The following PPM1H variants were observed in gnomAD, a reference collection of about 807,000 sequenced individuals.
PPM1H encodes the protein protein phosphatase 1H.
A neutral mutation model predicts 54.9 loss-of-function variants in PPM1H; 27 were observed. The ratio of observed to expected loss-of-function variants is 0.49; its 90% CI spans 0.36 to 0.68. PPM1H has a LOEUF of 0.68. PPM1H is among the 30% of genes least tolerant of loss of function. PPM1H has a pLI of 0.00. For synonymous variants in PPM1H, 305 were observed against 270.8 expected (o/e 1.13, Z -1.24); for missense variants, 596 against 667.8 (o/e 0.89, Z 1.19).
Position 62,647,587 on chromosome 12 carries a change from T to A in PPM1H, c.*902A>T, listed in dbSNP as rs549965067. On this transcript the variant is annotated 3_prime_UTR_variant, in exon 10 of 10. Coordinates refer to ENST00000228705, the MANE Select transcript of PPM1H (RefSeq NM_020700.2). ...ATTCCAGAAATGAAAATCCAGACTC[T>A]CACAGAGAACCCTTGAGCCACACAG... 7 of 152,300 alleles carry A rather than the reference T, an allele frequency of 4.6e-5. No homozygotes were observed. Among genetic ancestry groups the A allele is most frequent in the African/African-American group, 1.7e-4 (7 of 41,524 alleles). 9.4% of individuals were successfully genotyped at this position (152,300 alleles called of 1,614,324 possible). A position where few individuals can be genotyped will look rare whatever the true frequency, so the allele number is the denominator to read the frequency against.
chr12:62,725,195 C>A (rs943214729), intron 5 of PPM1H, among the ~76,000 whole-genome samples: 1 of 152,210 alleles, frequency 6.6e-6, no homozygotes. Flanking sequence ...GCTTAACAAG[C>A]CCTTCACTTT....
At chr12:62,838,342 G>C (rs987872707) in intron 1 of PPM1H, among the ~76,000 whole-genome samples, 11 of 136,320 alleles carry the variant, frequency 8.1e-5, no homozygotes, top group African/African-American at 1.6e-4. Flanking sequence ...TGTGTGTGGG[G>C]GGGGGGAGAT....
chr12:62,810,291 G>A (rs924517599), intron 2 of PPM1H, among the ~76,000 whole-genome samples: 2 of 152,082 alleles, frequency 1.3e-5, no homozygotes, highest in African/African-American at 2.4e-5. Context: ...ATTTACCCAG[G>A]ACTGTGTCCT....
chr12:62,671,220 G>C (rs1025856334), intron 8 of PPM1H, among the ~76,000 whole-genome samples: 2 of 152,108 alleles, frequency 1.3e-5, no homozygotes. Flanking sequence ...CCAGGACTCA[G>C]ACATCTGGAA....
At position 62,788,336 on chromosome 12, in the gene PPM1H, G is replaced by A. The variant is rs762908463; in HGVS notation, c.759C>T (p.Asp253=). Residue 253 remains aspartate (D), a splice_region_variant and synonymous_variant, in exon 4 of 10, where the codon GAC becomes GAT. Transcript: ENST00000228705. ...GALESAFKEM[D]LQIERERSSY... ...AACTCCTCTCTCGTTCTATCTGTAG[G>A]TCCTGGAGAATAAAACAGAGTTAGT... 7.1e-6 allele frequency: 11 copies of A among 1,539,956 alleles called. No individual in the cohort carries two copies. The African/African-American group carries it at 9.6e-5, about 13-fold the overall frequency.
intron 4 of PPM1H, among the ~76,000 whole-genome samples, chr12:62,775,273 C>A (rs771938660): frequency 1.3e-5 from 2 of 152,176 alleles, no homozygotes; most frequent in Non-Finnish European, 1.5e-5. Flanking sequence ...AGCCTCTGGA[C>A]CAGAAGTCAG....
rs189259204 is a variant in PPM1H at position 62,731,904 on chromosome 12, G to T, written c.954+5598C>A. On this transcript the variant is annotated intron_variant, in intron 5 of 9. Transcript: ENST00000228705. The stretch of plus-strand genomic sequence containing the variant: ...GCTGTGACCTGAAGCAAAGGTAGGG[G>T]TGATTTCCTTGAGGCCACAGTATCA... Among the ~76,000 whole-genome samples the T allele has an allele frequency of 1.6e-4, 25 of 152,294 alleles. No individual in the cohort carries two copies. In the East Asian group the frequency reaches 4.8e-3, roughly 29 times the overall value.
chr12:62,699,938 C>T (rs999325718), intron 6 of PPM1H, among the ~76,000 whole-genome samples: 1 of 152,176 alleles, frequency 6.6e-6, no homozygotes, highest in African/African-American at 2.4e-5. Flanking sequence ...GGACGACATT[C>T]CTTCAAATCC....
intron 4 of PPM1H, among the ~76,000 whole-genome samples, chr12:62,756,802 T>C (rs2076479246): frequency 6.6e-6 from 1 of 152,002 alleles, no homozygotes; most frequent in South Asian, 2.1e-4. Flanking sequence ...GCAGCCTCTA[T>C]AGTAAGCTGC....
chr12:62,711,296 G>T (rs2076205810), intron 6 of PPM1H, among the ~76,000 whole-genome samples: 1 of 152,146 alleles, frequency 6.6e-6, no homozygotes, highest in Admixed American at 6.5e-5. Flanking sequence ...CTGGCCTCAA[G>T]TACCATTATT....
chr12:62,833,325 C>T (rs1167705857), intron 1 of PPM1H, among the ~76,000 whole-genome samples: 1 of 152,142 alleles, frequency 6.6e-6, no homozygotes, highest in East Asian at 1.9e-4. Flanking sequence ...AGCCTCCTAA[C>T]AGTTCAAAAT....
Position 62,704,665 on chromosome 12 carries a change from T to C in PPM1H, c.1074-10666A>G, listed in dbSNP as rs60023588. 7.2e-5 allele frequency among the ~76,000 whole-genome samples: 11 copies of C among 152,342 alleles called. No homozygotes were observed. In the East Asian group the frequency reaches 2.1e-3, roughly 29 times the overall value. ...AATTGTGAGTGTGATTAATATTTGG[T>C]GATAAACAGAAGAGGGCTGGTAGCA... On this transcript the variant is annotated intron_variant, in intron 6 of 9. Coordinates refer to ENST00000228705, the MANE Select transcript of PPM1H (RefSeq NM_020700.2).
intron 9 of PPM1H, among the ~76,000 whole-genome samples, chr12:62,662,018 T>C (rs537841832): frequency 6.6e-6 from 1 of 152,376 alleles, no homozygotes; most frequent in South Asian, 2.1e-4. Flanking sequence ...ACATTTTTTC[T>C]TTCCCATCCT....
chr12:62,722,031 A>G (rs552314987), intron 5 of PPM1H, among the ~76,000 whole-genome samples: 1 of 152,240 alleles, frequency 6.6e-6, no homozygotes, highest in African/African-American at 2.4e-5. Context: ...CAAGACAGGG[A>G]CAGCAGAGCA....
chr12:62,677,922 T>G (rs920179690), intron 8 of PPM1H, among the ~76,000 whole-genome samples: 2 of 152,236 alleles, frequency 1.3e-5, no homozygotes, highest in African/African-American at 4.8e-5. Flanking sequence ...TTTCAGGAAG[T>G]GGATTCCAGG....
chr12:62,898,310 G>A (rs1029362916), intron 1 of PPM1H, among the ~76,000 whole-genome samples: 1 of 152,020 alleles, frequency 6.6e-6, no homozygotes, highest in African/African-American at 2.4e-5. Flanking sequence ...AATTAAGTAC[G>A]GAGCAGAAAG....
intron 1 of PPM1H, among the ~76,000 whole-genome samples, chr12:62,914,258 C>G (rs1009100329): frequency 5.3e-5 from 8 of 152,198 alleles, no homozygotes; most frequent in Admixed American, 2.0e-4. Context: ...GTGACCTCTG[C>G]ACATGCTGGC....
intron 2 of PPM1H, among the ~76,000 whole-genome samples, chr12:62,816,192 T>C (rs1283314345): frequency 6.6e-6 from 1 of 152,164 alleles, no homozygotes; most frequent in African/African-American, 2.4e-5. Flanking sequence ...GTCTAGACAC[T>C]GAGGCCAGAC....
chr12:62,841,307 C>T (rs1422917283), intron 1 of PPM1H, among the ~76,000 whole-genome samples: 4 of 152,118 alleles, frequency 2.6e-5, no homozygotes, highest in Non-Finnish European at 5.9e-5. Context: ...TGTTTTTACA[C>T]AGCCTGCAAG....
Sources: allele counts gnomAD v4.1 joint callset (sites outside exome capture counted in the v4.1 genomes callset), GRCh38; gene constraint gnomAD v4.1.1; transcripts MANE v1.5; gene names NCBI Gene and HGNC (gene_info 2026-07-23, HGNC 2026-07-21).